POC1B: variants seen among roughly 807,000 people sequenced by gnomAD.
The protein encoded by POC1B is POC1 centriolar protein B, also known as POC1 centriolar protein homolog B.
A neutral mutation model predicts 60.6 loss-of-function variants in POC1B; 44 were observed. The observed-to-expected ratio is 0.73, with a 90% CI of 0.57 to 0.93. The LOEUF (loss-of-function observed/expected upper bound fraction) is 0.93, where lower values mean the gene tolerates loss of function less well. Ranked by LOEUF, POC1B falls within the 40% of genes least tolerant of loss-of-function variation. The pLI is 0.00. For missense variants in POC1B, 555 were observed against 572.3 expected (o/e 0.97, Z 0.31); for synonymous variants, 180 against 198.9 (o/e 0.90, Z 0.80).
rs779703981 is a variant in POC1B at position 89,497,189 on chromosome 12, C to A, written c.254G>T (p.Arg85Ile). 8 of 1,613,508 alleles carry A rather than the reference C, an allele frequency of 5.0e-6. No homozygotes were observed. Among genetic ancestry groups the A allele is most frequent in the Non-Finnish European group, 5.9e-6 (7 of 1,179,902 alleles). ...LASASRDRTV[R>I]LWIPDKRGKF... ...CTCTTACTTATCAGGAATCCAGAGTCTCACGGTTCTGTCTCGTGAGGCAGA... is the reference window on the plus strand; with the variant it reads ...CTCTTACTTATCAGGAATCCAGAGTATCACGGTTCTGTCTCGTGAGGCAGA... The change falls in exon 3 of 12, where the codon AGA (arginine) becomes ATA (isoleucine). Residue 85 changes from arginine to isoleucine, a missense_variant. Arg to Ile is a moderately conservative substitution (Grantham distance 97, BLOSUM62 -3). Coordinates refer to ENST00000313546, the MANE Select transcript of POC1B (RefSeq NM_172240.3).
intron 3 of POC1B, among the ~76,000 whole-genome samples, chr12:89,492,882 C>CT (rs766555307): frequency 5.3e-5 from 8 of 152,176 alleles, no homozygotes; most frequent in Admixed American, 1.3e-4. Context: ...CCTCAACATC[C>CT]TTCACCTAGG....
At chr12:89,482,550 A>G (rs147120533) in intron 4 of POC1B, among the ~76,000 whole-genome samples, 129 of 152,368 alleles carry the variant, frequency 8.5e-4, no homozygotes, top group African/African-American at 2.9e-3. Context: ...GCTGAAAATA[A>G]AAGATCTGAG....
intron 10 of POC1B, among the ~76,000 whole-genome samples, chr12:89,432,713 T>G (rs1020483343): frequency 6.6e-5 from 10 of 152,196 alleles, no homozygotes; most frequent in African/African-American, 2.4e-4. Flanking sequence ...TGGTAAAGAA[T>G]AAATTTTGGA....
intron 2 of POC1B, chr12:89,523,789 G>C: frequency 6.5e-7 from 1 of 1,535,794 alleles, no homozygotes; most frequent in East Asian, 2.3e-5. Flanking sequence ...GTCTATAACA[G>C]GACACACAAC....
At chr12:89,436,258 G>T (rs1881260724) in intron 10 of POC1B, among the ~76,000 whole-genome samples, 1 of 152,012 alleles carries the variant, frequency 6.6e-6, no homozygotes. Context: ...ACCGCAGGAA[G>T]TTTTTAAAGA....
intron 10 of POC1B, among the ~76,000 whole-genome samples, chr12:89,431,434 T>TAC (rs370664797): frequency 0.29 from 42,996 of 149,490 alleles, 6,352 homozygotes; most frequent in South Asian, 0.44. Flanking sequence ...TTTAAATCAC[T>TAC]ACACACACAC....
intron 4 of POC1B, among the ~76,000 whole-genome samples, chr12:89,474,517 C>T (rs1343059705): frequency 2.0e-5 from 3 of 152,206 alleles, no homozygotes; most frequent in Non-Finnish European, 4.4e-5. Context: ...GTTATTAACA[C>T]ATTACATGTA....
chr12:89,431,589 A>G (rs186630724), intron 10 of POC1B, among the ~76,000 whole-genome samples: 135 of 152,350 alleles, frequency 8.9e-4, no homozygotes, highest in Admixed American at 1.5e-3. Flanking sequence ...ATTTATTTTC[A>G]ATGATAAAAT....
chr12:89,496,183 G>A (rs1869235785), intron 3 of POC1B, among the ~76,000 whole-genome samples: 1 of 152,090 alleles, frequency 6.6e-6, no homozygotes, highest in Admixed American at 6.6e-5. Flanking sequence ...CATCAGGCAT[G>A]AGATTCTCAT....
chr12:89,525,086 C>G (rs779332377), intron 2 of POC1B, 34 bp downstream of exon 2: 2 of 1,613,572 alleles, frequency 1.2e-6, no homozygotes, highest in African/African-American at 2.7e-5. Flanking sequence ...GGAGTTTAGT[C>G]TCATTACAAA....
At chr12:89,503,436 G>A (rs576307887) in intron 2 of POC1B, among the ~76,000 whole-genome samples, 2 of 152,352 alleles carry the variant, frequency 1.3e-5, no homozygotes, top group South Asian at 2.1e-4. Context: ...GCCGAGGCTG[G>A]AGTGCAGTGG....
intron 2 of POC1B, chr12:89,522,716 C>T: frequency 6.8e-7 from 1 of 1,474,108 alleles, no homozygotes; most frequent in Non-Finnish European, 9.0e-7. Flanking sequence ...TGCTAGGTGG[C>T]TTTTGATAAA....
chr12:89,521,801 T>C, intron 2 of POC1B: 3 of 391,142 alleles, frequency 7.7e-6, no homozygotes, highest in Non-Finnish European at 1.4e-5. Context: ...CAGTCTTTTT[T>C]CCTTGCATTT....
intron 2 of POC1B, among the ~76,000 whole-genome samples, chr12:89,518,247 T>C (rs1490602425): frequency 6.6e-6 from 1 of 152,204 alleles, no homozygotes; most frequent in Non-Finnish European, 1.5e-5. Context: ...GAAGTTTCTC[T>C]GAAATTTTAG....
chr12:89,499,444 C>G (rs1030253363), intron 2 of POC1B, among the ~76,000 whole-genome samples: 2 of 152,068 alleles, frequency 1.3e-5, no homozygotes, highest in African/African-American at 4.8e-5. Context: ...CAAATCTCAG[C>G]ATCATGGAGT....
chr12:89,521,869 T>C (rs2135775646), intron 2 of POC1B: 1 of 397,874 alleles, frequency 2.5e-6, no homozygotes, highest in African/African-American at 2.1e-5. Context: ...TTCCACAGCC[T>C]TGGTAGAACC....
intron 2 of POC1B, among the ~76,000 whole-genome samples, chr12:89,503,142 C>T (rs1869675318): frequency 2.0e-5 from 3 of 152,152 alleles, no homozygotes; most frequent in Admixed American, 6.5e-5. Flanking sequence ...CCCTCTCTTT[C>T]CACAGTCTCC....
rs2120626469 is a variant in POC1B, at chr12:89,420,521, T to C, written c.*632A>G. The C allele has an allele frequency of 1.3e-5, 2 of 152,338 alleles. 1 individual carries two copies. Among genetic ancestry groups the C allele is most frequent in the South Asian group, 4.1e-4 (2 of 4,826 alleles). The allele number at this position is 152,338 out of a possible 1,614,324, so 9.4% of individuals were successfully genotyped here. On this transcript the variant is annotated 3_prime_UTR_variant, in exon 12 of 12. Coordinates refer to ENST00000313546, the MANE Select transcript of POC1B (RefSeq NM_172240.3). ...CAGGTTGGCCAATGGATAAACAAAG[T>C]ACGCCATAAATTAACTAAAAAACCC...
At chr12:89,405,364 C>T in the POC1B span, among the ~76,000 whole-genome samples, 1 of 152,176 alleles carries the variant, frequency 6.6e-6, no homozygotes, top group South Asian at 2.1e-4. Context: ...AAATCCTGGC[C>T]AGGTGTGGTG....
Sources: gnomAD v4.1 joint callset for allele counts (sites outside exome capture counted in the v4.1 genomes callset) on GRCh38, gnomAD v4.1.1 for gene constraint, MANE v1.5 for transcripts, NCBI Gene and HGNC (gene_info 2026-07-23, HGNC 2026-07-21) for gene names.